The following GRK4 variants were observed in gnomAD, a reference collection of about 807,000 sequenced individuals.
The protein encoded by GRK4 is G protein-coupled receptor kinase 2-like.
A neutral mutation model predicts 77.9 loss-of-function variants in GRK4; 73 were observed. The observed-to-expected ratio is 0.94, with a 90% CI of 0.78 to 1.14. The LOEUF (loss-of-function observed/expected upper bound fraction) is 1.14. GRK4 is among the 50% of genes most tolerant of loss of function. The pLI, the probability that GRK4 is intolerant of heterozygous loss-of-function variation, is 0.00. For synonymous variants in GRK4, 257 were observed against 254.4 expected, an observed-to-expected ratio of 1.01 and a Z score of -0.10; for missense variants, 729 against 700.2, an observed-to-expected ratio of 1.04 and a Z score of -0.46.
chr4:3,033,540 A>G (rs925756467), intron 12 of GRK4, among the ~76,000 whole-genome samples: 13 of 152,122 alleles, frequency 8.5e-5, no homozygotes, highest in Admixed American at 7.2e-4. Context: ...CAGAAATGGT[A>G]TTTGCATTAC....
chr4:3,030,435 T>C (rs778556849), intron 12 of GRK4, among the ~76,000 whole-genome samples: 1 of 152,228 alleles, frequency 6.6e-6, no homozygotes. Flanking sequence ...TTTTTTCATT[T>C]ATTTTCATTC....
Position 3,028,014 on chromosome 4 carries a change from C to T in GRK4, c.1060+13C>T, listed in dbSNP as rs143147427. 8.7e-6 allele frequency: 14 copies of T among 1,611,560 alleles called. No homozygotes were observed. The highest frequency in any genetic ancestry group is 1.2e-5 in the Non-Finnish European group (14 of 1,177,810). ...GTCGGCTACATGGGTTCGTGAGAGG[C>T]TTTCGGCGTCCTTGTCCTTTCTATC... On this transcript the variant is annotated intron_variant, in intron 11 of 15. Coordinates refer to ENST00000398052, the MANE Select transcript of GRK4 (RefSeq NM_182982.3).
chr4:2,976,586 C>A (rs1293275600), intron 1 of GRK4, among the ~76,000 whole-genome samples: 1 of 151,784 alleles, frequency 6.6e-6, no homozygotes, highest in African/African-American at 2.4e-5. Context: ...GTTGCACCCA[C>A]CGTTCTTTCC....
intron 1 of GRK4, among the ~76,000 whole-genome samples, chr4:2,978,806 T>C (rs1721952816): frequency 6.6e-6 from 1 of 152,038 alleles, no homozygotes; most frequent in Admixed American, 6.5e-5. Flanking sequence ...AAAATAGCCA[T>C]GTGTGGCCAG....
intron 1 of GRK4, among the ~76,000 whole-genome samples, chr4:2,970,771 G>A (rs554875207): frequency 2.6e-5 from 4 of 151,628 alleles, no homozygotes; most frequent in Non-Finnish European, 5.9e-5. Flanking sequence ...CCAGGTTCAC[G>A]CCATTCTCCT....
rs200869893 is a variant in GRK4 at position 3,038,464 on chromosome 4, C to G, written c.1634C>G (p.Pro545Arg). 3.1e-6 allele frequency: 5 copies of G among 1,613,832 alleles called. No individual in the cohort carries two copies. The African/African-American group carries it at 5.3e-5, about 17-fold the overall frequency. Reference protein sequence around the residue: ...PLDLDKNIHTPVSRPNRGFFY... With the variant: ...PLDLDKNIHTRVSRPNRGFFY... The stretch of plus-strand genomic sequence containing the variant: ...GATCTAGACAAGAACATACATACCC[C>G]GGTTTCCAGACCAAACAGAGGCTTC... Residue 545 changes from proline (P) to arginine (R), a missense_variant, in exon 15 of 16, where the codon CCG becomes CGG. By Grantham distance (103) the Pro-to-Arg change is moderately radical. Coordinates refer to ENST00000398052, the MANE Select transcript of GRK4 (RefSeq NM_182982.3).
At chr4:3,017,238 T>C (rs1450456796) in intron 8 of GRK4, among the ~76,000 whole-genome samples, 1 of 152,244 alleles carries the variant, frequency 6.6e-6, no homozygotes, top group Non-Finnish European at 1.5e-5. Flanking sequence ...ACATCAGGCC[T>C]GGGGTCTGAC....
chr4:3,033,604 G>A (rs1251379342), intron 12 of GRK4, among the ~76,000 whole-genome samples: 1 of 152,094 alleles, frequency 6.6e-6, no homozygotes, highest in Non-Finnish European at 1.5e-5. Context: ...TCTTTGAGAC[G>A]GAGTCTCAAG....
At chr4:3,030,097 T>A (rs931093950) in intron 12 of GRK4, among the ~76,000 whole-genome samples, 2 of 152,232 alleles carry the variant, frequency 1.3e-5, no homozygotes, top group African/African-American at 4.8e-5. Context: ...GGTAAGGGTT[T>A]AGCCACCTGC....
chr4:2,972,137 G>A (rs1719744900), intron 1 of GRK4, among the ~76,000 whole-genome samples: 1 of 152,178 alleles, frequency 6.6e-6, no homozygotes, highest in Admixed American at 6.5e-5. Context: ...TTCAAACACT[G>A]TGGCCCCACT....
intron 1 of GRK4, among the ~76,000 whole-genome samples, chr4:2,967,753 A>G (rs1358312189): frequency 6.6e-6 from 1 of 150,634 alleles, no homozygotes; most frequent in Admixed American, 6.6e-5. Flanking sequence ...GATATAATTC[A>G]TAGGTTCATA....
intron 2 of GRK4, chr4:2,987,010 A>G (rs1317473030): frequency 2.6e-6 from 1 of 380,092 alleles, no homozygotes; most frequent in Non-Finnish European, 5.1e-6. Context: ...ATAATTCAAT[A>G]GTTTTTAATA....
At chr4:2,985,984 CAAAAA>C (rs1181104072) in intron 2 of GRK4, among the ~76,000 whole-genome samples, 4 of 91,698 alleles carry the variant, frequency 4.4e-5, no homozygotes, top group African/African-American at 1.1e-4. Context: ...GACTCCGTCT[CAAAAA>C]AAAAAAAAAA....
chr4:2,988,913 C>T (rs1725269670), intron 3 of GRK4, 74 bp downstream of exon 3: 5 of 916,692 alleles, frequency 5.5e-6, no homozygotes, highest in African/African-American at 1.6e-5. Flanking sequence ...TGGCCAGGCG[C>T]AGTAGCTCAT....
chr4:3,020,736 T>C (rs1349361227), intron 9 of GRK4, among the ~76,000 whole-genome samples: 1 of 151,948 alleles, frequency 6.6e-6, no homozygotes, highest in East Asian at 1.9e-4. Context: ...TTCCATGTTG[T>C]AGATTCAAAG....
chr4:2,977,619 T>C (rs1372607116), intron 1 of GRK4, among the ~76,000 whole-genome samples: 1 of 152,204 alleles, frequency 6.6e-6, no homozygotes, highest in Non-Finnish European at 1.5e-5. Flanking sequence ...GTGAGTAGAC[T>C]GTGCTTTGTG....
chr4:2,988,691 C>T, intron 2 of GRK4, 36 bp from the exon 3 acceptor site: 1 of 1,113,308 alleles, frequency 9.0e-7, no homozygotes, highest in Non-Finnish European at 1.4e-6. Context: ...TGTAATGATT[C>T]TATTTGTTTG....
intron 4 of GRK4, among the ~76,000 whole-genome samples, chr4:3,003,865 T>G (rs1730531529): frequency 6.6e-6 from 1 of 152,082 alleles, no homozygotes; most frequent in Admixed American, 6.6e-5. Flanking sequence ...GCCTCCCAAG[T>G]AGCTACCTAC....
At chr4:3,011,580 GTGT>G (rs1381368306) in intron 7 of GRK4, among the ~76,000 whole-genome samples, 2 of 152,192 alleles carry the variant, frequency 1.3e-5, no homozygotes, top group Non-Finnish European at 2.9e-5. Context: ...TGCTCTGGAG[GTGT>G]TGTACTCTCA....
Sources: allele counts gnomAD v4.1 joint callset (sites outside exome capture counted in the v4.1 genomes callset), GRCh38; gene constraint gnomAD v4.1.1; transcripts MANE v1.5; gene names NCBI Gene and HGNC (gene_info 2026-07-23, HGNC 2026-07-21).